Variants in MYF5 observed in about 807,000 individuals in gnomAD.
The protein encoded by MYF5 is class C basic helix-loop-helix protein 2.
Under a neutral mutation model 22.3 loss-of-function variants are expected in MYF5, and 20 were observed. The observed-to-expected ratio is 0.90, with a 90% CI of 0.63 to 1.30. MYF5 has a LOEUF of 1.30. MYF5 is among the 50% of genes most tolerant of loss of function. The pLI, the probability that MYF5 is intolerant of heterozygous loss-of-function variation, is 0.00. For missense variants in MYF5, 348 were observed against 325.9 expected, an observed-to-expected ratio of 1.07 and a Z score of -0.52; for synonymous variants, 141 against 128.4, an observed-to-expected ratio of 1.10 and a Z score of -0.66.
intron 1 of MYF5, among the ~76,000 whole-genome samples, chr12:80,718,130 A>AATTCCACCCCCTCTTCCCTTTGCTGCTGC (rs1868652778): frequency 6.6e-6 from 1 of 152,140 alleles, no homozygotes; most frequent in Non-Finnish European, 1.5e-5. Flanking sequence ...ATTGCTGCTG[A>AATTCCACCCCCTCTTCCCTTTGCTGCTGC]ATTCCACCCC....
In MYF5 at chr12:80,719,445, T is replaced by C. The variant is rs1372161576; in HGVS notation, c.*394T>C. 6.6e-6 allele frequency: 1 copy of C among 151,770 alleles called. No homozygotes were observed. The highest frequency in any genetic ancestry group is 2.4e-5 in the African/African-American group (1 of 41,382). 9.4% of individuals were successfully genotyped at this position (151,770 alleles called of 1,614,324 possible). On this transcript the variant is annotated 3_prime_UTR_variant, in exon 3 of 3. Coordinates refer to ENST00000228644, the MANE Select transcript of MYF5 (RefSeq NM_005593.3). Reference sequence around the variant, plus strand: ...TTTAAAACATTAAAACAGCTGAGAATCAGTTAAATGGAATTTTAAATATAT... The same window carrying C: ...TTTAAAACATTAAAACAGCTGAGAACCAGTTAAATGGAATTTTAAATATAT...
In MYF5 at chr12:80,717,006, C is replaced by A. The variant is rs577457528; in HGVS notation, c.-58C>A. On this transcript the variant is annotated 5_prime_UTR_variant, in exon 1 of 3. Coordinates refer to ENST00000228644, the MANE Select transcript of MYF5 (RefSeq NM_005593.3). ...TGCCCATCGGCGGAGGCGCCAGGCT[C>A]CCGTTTCTCCCCATCCCTCTCGCTG... 68 of 1,538,612 alleles carry A rather than the reference C, an allele frequency of 4.4e-5. No homozygotes were observed. In the African/African-American group the frequency reaches 7.8e-4, roughly 18 times the overall value.
chr12:80,718,465 G>C (rs1308128606), intron 2 of MYF5, 32 bp downstream of exon 2: 3 of 1,533,378 alleles, frequency 2.0e-6, no homozygotes, highest in Admixed American at 1.7e-5. Flanking sequence ...GGAGTTTAAA[G>C]ACCAGTTCAA....
chr12:80,717,001 A>G lies in MYF5; in HGVS notation c.-63A>G, dbSNP rs1323412957. ...GGATTTGCCCATCGGCGGAGGCGCC[A>G]GGCTCCCGTTTCTCCCCATCCCTCT... On this transcript the variant is annotated 5_prime_UTR_variant, in exon 1 of 3. Transcript: ENST00000228644. 3 of 1,533,948 alleles carry G rather than the reference A, an allele frequency of 2.0e-6. No individual in the cohort carries two copies. The highest frequency in any genetic ancestry group is 4.5e-5 in the East Asian group (2 of 44,090).
At chr12:80,718,837 A>G in intron 2 of MYF5, 24 bp from the exon 3 acceptor site, 1 of 1,578,268 alleles carries the variant, frequency 6.3e-7, no homozygotes, top group Non-Finnish European at 8.7e-7. Context: ...TTATTTTTTA[A>G]TGCTTTTCTC....
intron 2 of MYF5, 97 bp downstream of exon 2, chr12:80,718,530 G>T: frequency 9.2e-7 from 1 of 1,092,648 alleles, no homozygotes; most frequent in Non-Finnish European, 1.4e-6. Flanking sequence ...GGGGAAGGGA[G>T]AATGGAAGTG....
At chr12:80,717,663 A>G in intron 1 of MYF5, 99 bp downstream of exon 1, 1 of 1,421,614 alleles carries the variant, frequency 7.0e-7, no homozygotes, top group Non-Finnish European at 9.5e-7. Flanking sequence ...GGGTGGAGGC[A>G]GATGCTGAGT....
chr12:80,718,155 G>C (rs1271685773), intron 1 of MYF5, among the ~76,000 whole-genome samples: 2 of 152,136 alleles, frequency 1.3e-5, no homozygotes, highest in African/African-American at 4.8e-5. Flanking sequence ...TCCCTTTGCT[G>C]CTGCTCTCCT....
chr12:80,718,805 A>T, intron 2 of MYF5, 56 bp from the exon 3 acceptor site: 1 of 1,440,696 alleles, frequency 6.9e-7, no homozygotes. Context: ...CAACATAAGC[A>T]AATCTGTCTA....
chr12:80,717,402 C>A lies in MYF5; in HGVS notation c.339C>A (p.Asn113Lys). The A allele has an allele frequency of 6.2e-7, 1 of 1,614,190 alleles. No homozygotes were observed. The highest frequency in any genetic ancestry group is 8.5e-7 in the Non-Finnish European group (1 of 1,180,042). The change falls in exon 1 of 3, where the codon AAC becomes AAA. Residue 113 changes from asparagine (N) to lysine (K), a missense_variant. Coordinates refer to ENST00000228644, the MANE Select transcript of MYF5 (RefSeq NM_005593.3). ...CCCTCAAGAGGTGTACCACGACCAA[C>A]CCCAACCAGAGGCTGCCCAAGGTGG... ...FETLKRCTTT[N>K]PNQRLPKVEI... is the part of the protein sequence containing the mutation.
intron 2 of MYF5, 34 bp downstream of exon 2, chr12:80,718,467 C>T (rs1868662244): frequency 2.0e-6 from 3 of 1,492,782 alleles, no homozygotes; most frequent in Non-Finnish European, 1.9e-6. Context: ...AGTTTAAAGA[C>T]CAGTTCAACC....
chr12:80,719,142 T>A lies in MYF5; in HGVS notation c.*91T>A. Reference sequence around the variant, plus strand: ...AAAAGTCCCAAACCAAGACAACATGTACATAAAGATTTCTTTTCAGTTGTA... The same window carrying A: ...AAAAGTCCCAAACCAAGACAACATGAACATAAAGATTTCTTTTCAGTTGTA... On this transcript the variant is annotated 3_prime_UTR_variant, in exon 3 of 3. Transcript: ENST00000228644. 2.0e-6 allele frequency: 2 copies of A among 1,024,686 alleles called. No homozygotes were observed. The highest frequency in any genetic ancestry group is 2.8e-6 in the Non-Finnish European group (2 of 720,896). 63.5% of individuals were successfully genotyped at this position (1,024,686 alleles called of 1,614,324 possible). A position where few individuals can be genotyped will look rare whatever the true frequency, so the allele number is the denominator to read the frequency against.
chr12:80,718,978 C>T lies in MYF5; in HGVS notation c.695C>T (p.Pro232Leu), dbSNP rs1868680305. Residue 232 changes from proline to leucine, a missense_variant, in exon 3 of 3, where the codon CCA (proline) becomes CTA (leucine). Pro to Leu is a moderately conservative substitution (Grantham distance 98). Coordinates refer to ENST00000228644, the MANE Select transcript of MYF5 (RefSeq NM_005593.3). The stretch of plus-strand genomic sequence containing the variant: ...CTCCAGGATCTGGCTTCTCTCTCTC[C>T]AGTTGCCAGCACCGATTCACAGCCT... Reference protein sequence around the residue: ...LPLQDLASLSPVASTDSQPAT... With the variant: ...LPLQDLASLSLVASTDSQPAT... 6.2e-7 allele frequency: 1 copy of T among 1,614,048 alleles called. No individual in the cohort carries two copies. Among genetic ancestry groups the T allele is most frequent in the African/African-American group, 1.3e-5 (1 of 74,908 alleles).
Position 80,717,014 on chromosome 12 carries a change from T to C in MYF5, c.-50T>C. ...GGCGGAGGCGCCAGGCTCCCGTTTC[T>C]CCCCATCCCTCTCGCTGCCGTCCAG... On this transcript the variant is annotated 5_prime_UTR_variant, in exon 1 of 3. Coordinates refer to ENST00000228644, the MANE Select transcript of MYF5 (RefSeq NM_005593.3). 1 of 1,549,770 alleles carries C rather than the reference T, an allele frequency of 6.5e-7. No individual in the cohort carries two copies. Among genetic ancestry groups the C allele is most frequent in the Non-Finnish European group, 8.7e-7 (1 of 1,150,202 alleles).
In MYF5 at chr12:80,719,407, CTTTA is replaced by C. The variant is rs974079335; in HGVS notation, c.*360_*363del. 6.6e-6 allele frequency: 1 copy of C among 150,720 alleles called. No individual in the cohort carries two copies. The highest frequency in any genetic ancestry group is 2.5e-5 in the African/African-American group (1 of 40,742). 9.3% of individuals were successfully genotyped at this position (150,720 alleles called of 1,614,324 possible). On this transcript the variant is annotated 3_prime_UTR_variant, in exon 3 of 3. Coordinates refer to ENST00000228644, the MANE Select transcript of MYF5 (RefSeq NM_005593.3). ...ATCAAAATGTCTCTGGTGTTTAGAG[CTTTA>C]TTTTTTTCTTTAAAACATTAAAACA...
In MYF5 at chr12:80,718,339, T is replaced by C; in HGVS notation, c.502-19T>C. Reference sequence around the variant, plus strand: ...GCCAAGACCTGAAAACAAACTTTGTTGTGTGTCTTGTATTATAGCCCGAAT... The same window carrying C: ...GCCAAGACCTGAAAACAAACTTTGTCGTGTGTCTTGTATTATAGCCCGAAT... On this transcript the variant is annotated intron_variant, in intron 1 of 2. Coordinates refer to ENST00000228644, the MANE Select transcript of MYF5 (RefSeq NM_005593.3). 2 of 1,611,304 alleles carry C rather than the reference T, an allele frequency of 1.2e-6. No individual in the cohort carries two copies. The highest frequency in any genetic ancestry group is 1.7e-6 in the Non-Finnish European group (2 of 1,177,428).
chr12:80,719,196 T>G lies in MYF5; in HGVS notation c.*145T>G. 1 of 590,692 alleles carries G rather than the reference T, an allele frequency of 1.7e-6. No homozygotes were observed. Among genetic ancestry groups the G allele is most frequent in the Non-Finnish European group, 2.8e-6 (1 of 355,348 alleles). 36.6% of individuals were successfully genotyped at this position (590,692 alleles called of 1,614,324 possible). On this transcript the variant is annotated 3_prime_UTR_variant, in exon 3 of 3. Transcript: ENST00000228644. ...TTGTAAAGATTACCTTGCCACTTTA[T>G]AAGAAAGTGTATTTAACTAAAAAGT...
chr12:80,718,476 C>A, intron 2 of MYF5, 43 bp downstream of exon 2: 1 of 1,448,154 alleles, frequency 6.9e-7, no homozygotes, highest in Non-Finnish European at 9.7e-7. Context: ...ACCAGTTCAA[C>A]CTAACAATTC....
Position 80,717,273 on chromosome 12 carries a change from GGCCTGCAAA to G in MYF5, c.219_227del (p.Ala74_Lys76del). 1 of 1,614,076 alleles carries G rather than the reference GGCCTGCAAA, an allele frequency of 6.2e-7. No homozygotes were observed. The highest frequency in any genetic ancestry group is 8.5e-7 in the Non-Finnish European group (1 of 1,180,020). ...ACCAGGCTGGTCACTGCCTCATGTG[GGCCTGCAAA>G]GCCTGCAAGAGGAAGTCCACCACCA... is the stretch of plus-strand genomic sequence containing the variant. On this transcript the variant is annotated inframe_deletion, in exon 1 of 3. Coordinates refer to ENST00000228644, the MANE Select transcript of MYF5 (RefSeq NM_005593.3).
Sources: gnomAD v4.1 joint callset for allele counts (sites outside exome capture counted in the v4.1 genomes callset) on GRCh38, gnomAD v4.1.1 for gene constraint, MANE v1.5 for transcripts, NCBI Gene and HGNC (gene_info 2026-07-23, HGNC 2026-07-21) for gene names.